COL5A1: variants seen among roughly 807,000 people sequenced by gnomAD.
COL5A1 encodes collagen alpha-1(V) chain.
COL5A1 carries 16 observed loss-of-function variants against 263.7 expected under a neutral mutation model. The ratio of observed to expected loss-of-function variants is 0.06; its 90% CI spans 0.04 to 0.09. COL5A1 has a LOEUF of 0.09. Among genes scored for constraint, COL5A1 ranks in the 10% least tolerant of loss-of-function variants. COL5A1 has a pLI of 1.00. For synonymous variants in COL5A1, 1,012 were observed against 1,004.5 expected (o/e 1.01, Z -0.14); for missense variants, 2,036 against 2,540.5 (o/e 0.80, Z 4.27).
intron 64 of COL5A1, 79 bp from the exon 65 acceptor site, chr9:134,834,892 C>A: frequency 9.8e-7 from 1 of 1,023,238 alleles, no homozygotes; most frequent in Non-Finnish European, 1.5e-6. Flanking sequence ...GTGAGTGAAG[C>A]CCAGGGCAGT....
At chr9:134,720,895 C>T (rs763447225) in intron 4 of COL5A1, among the ~76,000 whole-genome samples, 1 of 152,134 alleles carries the variant, frequency 6.6e-6, no homozygotes, top group African/African-American at 2.4e-5. Flanking sequence ...GGGGCGTCCC[C>T]GCATCCACAG....
At position 134,789,284 on chromosome 9, in the gene COL5A1, C is replaced by G; in HGVS notation, c.2700+76C>G. The G allele has an allele frequency of 8.1e-7, 1 of 1,232,880 alleles. No homozygotes were observed. Among genetic ancestry groups the G allele is most frequent in the Non-Finnish European group, 1.2e-6 (1 of 845,718 alleles). The allele number at this position is 1,232,880 out of a possible 1,614,324, so 76.4% of individuals were successfully genotyped here. A position where few individuals can be genotyped will look rare whatever the true frequency, so the allele number is the denominator to read the frequency against. The stretch of plus-strand genomic sequence containing the variant: ...CCTAGCAAGTTGGTTCTCCAGCCGA[C>G]GGCCTGTTTATTTCTCACTCTCTTG... On this transcript the variant is annotated intron_variant, in intron 32 of 65. Transcript: ENST00000371817. This position sits in a 1 kb window ranked among gnomAD's most constrained non-coding sequence, Gnocchi z 4.8.
intron 4 of COL5A1, among the ~76,000 whole-genome samples, chr9:134,721,155 G>A (rs1834437958): frequency 6.6e-6 from 1 of 152,038 alleles, no homozygotes. Context: ...CAGGTCTCAG[G>A]GATGCAGGAG....
In COL5A1 at chr9:134,841,827, G is replaced by T. The variant is rs1830109717; in HGVS notation, c.5371-330G>T. Among the ~76,000 whole-genome samples the T allele has an allele frequency of 6.6e-6, 1 of 152,142 alleles. No individual in the cohort carries two copies. Among genetic ancestry groups the T allele is most frequent in the Non-Finnish European group, 1.5e-5 (1 of 68,038 alleles). The stretch of plus-strand genomic sequence containing the variant: ...TACCTGGGGCATCACAAGGAGTCTG[G>T]ACTGGGCACGGTGGGAAGGCTGATC... On this transcript the variant is annotated intron_variant, in intron 65 of 65. Transcript: ENST00000371817. The surrounding 1 kb of genome is among the most constrained non-coding windows in gnomAD (Gnocchi z 4.8).
At chr9:134,795,401 A>C in intron 34 of COL5A1, 86 bp downstream of exon 34, 10 of 1,087,926 alleles carry the variant, frequency 9.2e-6, no homozygotes, top group South Asian at 3.1e-5. Context: ...GGTGTCTGTG[A>C]CCTTTTTTAT....
At position 134,727,319 on chromosome 9, in the gene COL5A1, C is replaced by T; in HGVS notation, c.708C>T (p.Tyr236=). The T allele has an allele frequency of 1.9e-6, 3 of 1,614,074 alleles. No homozygotes were observed. Among genetic ancestry groups the T allele is most frequent in the South Asian group, 2.2e-5 (2 of 91,078 alleles). ...FVSDHRAAYD[Y]CEHYSPDCDT... ...CGGACCACCGGGCAGCTTATGATTA[C>T]TGTGAGCACTACAGCCCTGACTGTG... The change falls in exon 5 of 66, where the codon TAC becomes TAT. Residue 236 remains tyrosine (Y), a synonymous_variant. Coordinates refer to ENST00000371817, the MANE Select transcript of COL5A1 (RefSeq NM_000093.5).
intron 1 of COL5A1, among the ~76,000 whole-genome samples, chr9:134,660,331 G>T (rs1222928617): frequency 6.6e-6 from 1 of 152,212 alleles, no homozygotes; most frequent in Non-Finnish European, 1.5e-5. Flanking sequence ...GTCCTCTGAA[G>T]ATTCGCTACC....
chr9:134,744,619 A>T (rs1835421967), intron 11 of COL5A1, among the ~76,000 whole-genome samples: 1 of 151,750 alleles, frequency 6.6e-6, no homozygotes, highest in Admixed American at 6.6e-5. Context: ...CTGCACACAC[A>T]CTCATGCACA....
At position 134,641,867 on chromosome 9, in the gene COL5A1, G is replaced by C. The variant is rs1831298217; in HGVS notation, c.-321G>C. 1 of 389,880 alleles carries C rather than the reference G, an allele frequency of 2.6e-6. No homozygotes were observed. Among genetic ancestry groups the C allele is most frequent in the Admixed American group, 4.5e-5 (1 of 22,378 alleles). The allele number at this position is 389,880 out of a possible 1,614,324, so 24.2% of individuals were successfully genotyped here. ...CTCGAGCGGAGCGCCCACGGGGAGC[G>C]GGTCGCGGGGCGGCGGCGGCGAGGA... On this transcript the variant is annotated 5_prime_UTR_variant, in exon 1 of 66. Transcript: ENST00000371817.
chr9:134,771,806 C>A (rs894119782), intron 25 of COL5A1, among the ~76,000 whole-genome samples: 1 of 152,170 alleles, frequency 6.6e-6, no homozygotes, highest in African/African-American at 2.4e-5. Context: ...GTAGAACCCA[C>A]CCTGCCAGCC....
Position 134,823,396 on chromosome 9 carries a change from ATTCT to A in COL5A1, c.4645-17_4645-14del, listed in dbSNP as rs754597095. ...CTCATACCTCTGTGACCAAGGGTTG[ATTCT>A]TTTCTTTCTCCCCAGGGTCCAACTG... On this transcript the variant is annotated splice_polypyrimidine_tract_variant and intron_variant, in intron 60 of 65. Transcript: ENST00000371817. 2 of 1,614,002 alleles carry A rather than the reference ATTCT, an allele frequency of 1.2e-6. No homozygotes were observed. The highest frequency in any genetic ancestry group is 2.7e-5 in the African/African-American group (2 of 74,944).
intron 4 of COL5A1, among the ~76,000 whole-genome samples, chr9:134,726,289 TAGAC>T (rs1226229659): frequency 1.3e-5 from 2 of 151,936 alleles, no homozygotes; most frequent in Non-Finnish European, 2.9e-5. Flanking sequence ...GATGGGTGGA[TAGAC>T]AGATGAATGG....
rs2132784098 is a variant in COL5A1, at chr9:134,789,007, G to A, written c.2647-148G>A. The A allele has an allele frequency of 1.4e-6, 1 of 692,546 alleles. No homozygotes were observed. Among genetic ancestry groups the A allele is most frequent in the Middle Eastern group, 3.6e-4 (1 of 2,784 alleles). 42.9% of individuals were successfully genotyped at this position (692,546 alleles called of 1,614,324 possible). On this transcript the variant is annotated intron_variant, in intron 31 of 65. Transcript: ENST00000371817. This position sits in a 1 kb window ranked among gnomAD's most constrained non-coding sequence, Gnocchi z 4.8. Reference sequence around the variant, plus strand: ...AGGTGGATAGGTGAGAAGGTAGGTAGACAGGTAGGTGGGTGGTTGGGTGGG... The same window carrying A: ...AGGTGGATAGGTGAGAAGGTAGGTAAACAGGTAGGTGGGTGGTTGGGTGGG...
chr9:134,782,320 TCAGTGCTG>T (rs1261949488), intron 28 of COL5A1, among the ~76,000 whole-genome samples: 1 of 152,242 alleles, frequency 6.6e-6, no homozygotes, highest in East Asian at 1.9e-4. Context: ...CTTCAGTGCT[TCAGTGCTG>T]ATGGGACGCC....
In COL5A1 at chr9:134,681,389, C is replaced by A. The variant is rs974252003; in HGVS notation, c.110-9523C>A. The stretch of plus-strand genomic sequence containing the variant: ...TCTGCGAGCATCTGCGGGTGCCGGG[C>A]TGTGCGGGGCCCCTGCCCTCCTGCA... On this transcript the variant is annotated intron_variant, in intron 1 of 65. Transcript: ENST00000371817. The surrounding 1 kb of genome is among the most constrained non-coding windows in gnomAD (Gnocchi z 4.3). Among the ~76,000 whole-genome samples the A allele has an allele frequency of 1.3e-5, 2 of 152,252 alleles. No homozygotes were observed. The highest frequency in any genetic ancestry group is 4.8e-5 in the African/African-American group (2 of 41,476).
Position 134,782,736 on chromosome 9 carries a change from T to G in COL5A1, c.2484+16T>G. ...GGGTGATCGGGTGAGCATCTCAGGT[T>G]TGGGATTTGGGCTGGGGAAAGCTGG... On this transcript the variant is annotated intron_variant, in intron 29 of 65. Transcript: ENST00000371817. 6.2e-7 allele frequency: 1 copy of G among 1,613,654 alleles called. No homozygotes were observed. Among genetic ancestry groups the G allele is most frequent in the Non-Finnish European group, 8.5e-7 (1 of 1,179,776 alleles).
chr9:134,732,011 G>A lies in COL5A1; in HGVS notation c.1333-60G>A, dbSNP rs1321321905. On this transcript the variant is annotated intron_variant, in intron 8 of 65. Coordinates refer to ENST00000371817, the MANE Select transcript of COL5A1 (RefSeq NM_000093.5). ...AAATCGGGCAGATTTTGTGTAATCT[G>A]GACTTTCTTTCTCACTTTTCTCTCT... The A allele has an allele frequency of 8.2e-6, 13 of 1,586,884 alleles. No individual in the cohort carries two copies. The Admixed American group carries it at 1.0e-4, about 12-fold the overall frequency.
intron 1 of COL5A1, among the ~76,000 whole-genome samples, chr9:134,673,118 T>C (rs1486461531): frequency 6.6e-6 from 1 of 152,210 alleles, no homozygotes; most frequent in Non-Finnish European, 1.5e-5. Flanking sequence ...CAATTCAATG[T>C]CAATTAAAAT....
intron 32 of COL5A1, among the ~76,000 whole-genome samples, chr9:134,792,450 A>C (rs544646933): frequency 6.6e-6 from 1 of 152,218 alleles, no homozygotes; most frequent in African/African-American, 2.4e-5. Context: ...ATCTCAGCTC[A>C]CTGCAACCTC....
Sources: gnomAD v4.1 joint callset for allele counts (sites outside exome capture counted in the v4.1 genomes callset) on GRCh38, gnomAD v4.1.1 for gene constraint, Gnocchi (gnomAD v3.1) non-coding constraint, MANE v1.5 for transcripts, NCBI Gene and HGNC (gene_info 2026-07-23, HGNC 2026-07-21) for gene names.